The following IDO2 variants were observed in gnomAD, a reference collection of about 807,000 sequenced individuals.
IDO2 encodes indoleamine 2,3-dioxygenase 2, also known as indoleamine 2,3-dioxygenase-like 1 protein.
IDO2 carries 46 observed loss-of-function variants against 45.1 expected under a neutral mutation model. That is an observed-to-expected ratio of 1.02 (90% CI 0.80 to 1.30). IDO2 has a LOEUF of 1.30. Ranked by LOEUF, IDO2 falls within the 50% of genes most tolerant of loss-of-function variation. IDO2 has a pLI of 0.00. For missense variants in IDO2, 544 were observed against 491.8 expected (o/e 1.11, Z -1.00); for synonymous variants, 218 against 184.9 (o/e 1.18, Z -1.45).
At chr8:39,936,534 C>T (rs1388211607) in intron 1 of IDO2, among the ~76,000 whole-genome samples, 3 of 152,128 alleles carry the variant, frequency 2.0e-5, no homozygotes, top group Admixed American at 6.6e-5. Flanking sequence ...ATATATCTGC[C>T]CTGAGATGAG....
At chr8:39,984,592 A>G (rs1808396766) in intron 5 of IDO2, among the ~76,000 whole-genome samples, 1 of 152,222 alleles carries the variant, frequency 6.6e-6, no homozygotes, top group Non-Finnish European at 1.5e-5. Context: ...GGTCTCACCA[A>G]TTATTCTGCT....
chr8:40,013,527 T>C (rs776264797), intron 9 of IDO2, 38 bp from the exon 10 acceptor site: 14 of 1,592,378 alleles, frequency 8.8e-6, no homozygotes, highest in Non-Finnish European at 1.1e-5. Context: ...ATTACCTCCC[T>C]GCACCCCTTT....
chr8:39,944,035 A>C (rs911950623), intron 1 of IDO2, among the ~76,000 whole-genome samples: 1 of 152,188 alleles, frequency 6.6e-6, no homozygotes, highest in Non-Finnish European at 1.5e-5. Context: ...ACAACTTTCA[A>C]AACTGAAACC....
intron 2 of IDO2, among the ~76,000 whole-genome samples, chr8:39,959,057 T>C (rs1278811789): frequency 6.6e-6 from 1 of 152,096 alleles, no homozygotes; most frequent in African/African-American, 2.4e-5. Context: ...TACTTCTTAG[T>C]ATTGATTAAT....
chr8:40,009,552 G>A (rs1449720815), intron 9 of IDO2, among the ~76,000 whole-genome samples: 1 of 151,880 alleles, frequency 6.6e-6, no homozygotes, highest in Non-Finnish European at 1.5e-5. Flanking sequence ...ACAGATATTT[G>A]AAAGGAAAAT....
intron 1 of IDO2, among the ~76,000 whole-genome samples, chr8:39,946,235 G>A (rs1445827896): frequency 2.0e-5 from 3 of 152,186 alleles, no homozygotes; most frequent in African/African-American, 7.2e-5. Flanking sequence ...CAAGAAGAGA[G>A]CTTTGACTCT....
At chr8:39,969,190 C>T (rs776997815) in intron 3 of IDO2, among the ~76,000 whole-genome samples, 1 of 152,142 alleles carries the variant, frequency 6.6e-6, no homozygotes, top group African/African-American at 2.4e-5. Flanking sequence ...TCGTAGCAAC[C>T]TTGCATCAAG....
At chr8:39,950,580 A>G (rs1231449453) in intron 2 of IDO2, among the ~76,000 whole-genome samples, 2 of 152,228 alleles carry the variant, frequency 1.3e-5, no homozygotes, top group Non-Finnish European at 2.9e-5. Context: ...TTCTGCAGAA[A>G]GGGTGCTACT....
intron 4 of IDO2, among the ~76,000 whole-genome samples, chr8:39,980,436 C>G (rs530846528): frequency 6.6e-6 from 1 of 151,690 alleles, no homozygotes; most frequent in African/African-American, 2.4e-5. Flanking sequence ...ATTAGTCTGT[C>G]TTTTAATAAT....
intron 1 of IDO2, among the ~76,000 whole-genome samples, chr8:39,942,840 T>C (rs570120932): frequency 1.3e-5 from 2 of 152,264 alleles, no homozygotes; most frequent in Admixed American, 6.5e-5. Flanking sequence ...TTCACAATTC[T>C]ATGGTTGTAT....
At chr8:39,995,290 T>TCTTCCTCTTCTTC (rs1174801048) in intron 8 of IDO2, 3 of 138,306 alleles carry the variant, frequency 2.2e-5, no homozygotes, top group Admixed American at 7.2e-5. Context: ...TTCTTCTTCT[T>TCTTCCTCTTCTTC]TTTTTTTTGA....
At chr8:39,962,919 A>T (rs1712225594) in intron 2 of IDO2, among the ~76,000 whole-genome samples, 1 of 152,286 alleles carries the variant, frequency 6.6e-6, no homozygotes, top group South Asian at 2.1e-4. Context: ...GGCATTATTC[A>T]GAAAGAATCA....
chr8:39,976,188 G>T lies in IDO2; in HGVS notation c.196-2879G>T, dbSNP rs141659942. Among the ~76,000 whole-genome samples the T allele has an allele frequency of 4.6e-5, 7 of 152,078 alleles. No individual in the cohort carries two copies. The South Asian group carries it at 1.2e-3, about 27-fold the overall frequency. ...GAGATGGGATTTCACCATGTTGGCCGCTTGTCTCAAACTCCTGACCTCAAG... is the reference window on the plus strand; with the variant it reads ...GAGATGGGATTTCACCATGTTGGCCTCTTGTCTCAAACTCCTGACCTCAAG... On this transcript the variant is annotated intron_variant, in intron 3 of 10. Transcript: ENST00000502986.
intron 8 of IDO2, among the ~76,000 whole-genome samples, chr8:39,990,998 T>A (rs1585413760): frequency 6.6e-6 from 1 of 152,156 alleles, no homozygotes; most frequent in Non-Finnish European, 1.5e-5. Flanking sequence ...TCATTTTCCC[T>A]GAATCTTGCT....
At chr8:39,992,539 T>C (rs2543073) in intron 8 of IDO2, among the ~76,000 whole-genome samples, 94,096 of 152,010 alleles carry the variant, frequency 0.62, 29,222 homozygotes, top group Middle Eastern at 0.7. Flanking sequence ...TTTTCACACC[T>C]CTATGTTTGG....
rs147028319 is a variant in IDO2 at position 39,991,288 on chromosome 8, C to G, written c.667+1450C>G. ...ATGATCACATCAGTAGGTCTTCTGC[C>G]AAACAGCTCCCTTAAGTTGTATGGT... is the stretch of plus-strand genomic sequence containing the variant. On this transcript the variant is annotated intron_variant, in intron 8 of 10. Transcript: ENST00000502986. Among the ~76,000 whole-genome samples the G allele has an allele frequency of 4.1e-4, 63 of 152,160 alleles. No homozygotes were observed. The East Asian group carries it at 0.012, about 29-fold the overall frequency.
At chr8:39,989,920 T>G in intron 8 of IDO2, 82 bp downstream of exon 8, 1 of 818,200 alleles carries the variant, frequency 1.2e-6, no homozygotes, top group Non-Finnish European at 1.9e-6. Context: ...GGACCAGGCA[T>G]GTCCTGAAGG....
Position 39,949,284 on chromosome 8 carries a change from A to G in IDO2, c.99+20A>G. On this transcript the variant is annotated intron_variant, in intron 2 of 10. Transcript: ENST00000502986. The stretch of plus-strand genomic sequence containing the variant: ...TCTCTGGTAAGGATAGAGCCTTGGT[A>G]AGGATAGGTCAGAATATGTTTCTTG... 3.2e-6 allele frequency: 5 copies of G among 1,553,344 alleles called. No homozygotes were observed. Among genetic ancestry groups the G allele is most frequent in the Non-Finnish European group, 4.4e-6 (5 of 1,142,430 alleles).
chr8:39,956,319 C>T (rs893454997), intron 2 of IDO2, among the ~76,000 whole-genome samples: 1 of 152,268 alleles, frequency 6.6e-6, no homozygotes, highest in South Asian at 2.1e-4. Flanking sequence ...GGCTTGGCCT[C>T]CCAAAGTGCT....
Sources: gnomAD v4.1 joint callset for allele counts (sites outside exome capture counted in the v4.1 genomes callset) on GRCh38, gnomAD v4.1.1 for gene constraint, MANE v1.5 for transcripts, NCBI Gene and HGNC (gene_info 2026-07-23, HGNC 2026-07-21) for gene names.